The following NPAS3 variants were observed in gnomAD, a reference collection of about 807,000 sequenced individuals.
NPAS3 encodes the protein neuronal PAS domain-containing protein 3.
A neutral mutation model predicts 73.1 loss-of-function variants in NPAS3; 14 were observed. That is an observed-to-expected ratio of 0.19 (90% CI 0.13 to 0.30). NPAS3 has a LOEUF of 0.30. Ranked by LOEUF, NPAS3 falls within the 10% of genes least tolerant of loss-of-function variation. The pLI, the probability that NPAS3 is intolerant of heterozygous loss-of-function variation, is 1.00. For synonymous variants in NPAS3, 620 were observed against 541.5 expected, an observed-to-expected ratio of 1.14 and a Z score of -2.01; for missense variants, 1,096 against 1,250.0, an observed-to-expected ratio of 0.88 and a Z score of 1.86.
chr14:33,227,033 G>A (rs1278631474), intron 3 of NPAS3, among the ~76,000 whole-genome samples: 1 of 152,104 alleles, frequency 6.6e-6, no homozygotes, highest in African/African-American at 2.4e-5. Flanking sequence ...AAAGAGGCAT[G>A]AAGATAACAT....
At chr14:33,195,497 G>A (rs1017090754) in intron 2 of NPAS3, among the ~76,000 whole-genome samples, 2 of 152,096 alleles carry the variant, frequency 1.3e-5, no homozygotes, top group Non-Finnish European at 2.9e-5. Flanking sequence ...TTGAACTCCT[G>A]ACCTTGTGAT....
At chr14:33,368,761 CT>C (rs1233192930) in intron 4 of NPAS3, among the ~76,000 whole-genome samples, 1 of 152,124 alleles carries the variant, frequency 6.6e-6, no homozygotes, top group Non-Finnish European at 1.5e-5. Context: ...ATATTTCTTT[CT>C]AGATCTTCAA....
At chr14:33,424,784 T>C (rs919883062) in intron 4 of NPAS3, among the ~76,000 whole-genome samples, 12 of 151,522 alleles carry the variant, frequency 7.9e-5, no homozygotes, top group Non-Finnish European at 1.6e-4. Context: ...GTTTGAAGTG[T>C]CTGGAGACAT....
intron 3 of NPAS3, among the ~76,000 whole-genome samples, chr14:33,277,112 G>A (rs2041370514): frequency 6.6e-6 from 1 of 152,100 alleles, no homozygotes; most frequent in Admixed American, 6.6e-5. Flanking sequence ...TTTAGATAGT[G>A]TTCCAAGTAT....
At chr14:33,503,898 A>G (rs2052635929) in intron 4 of NPAS3, among the ~76,000 whole-genome samples, 1 of 152,034 alleles carries the variant, frequency 6.6e-6, no homozygotes, top group Non-Finnish European at 1.5e-5. Flanking sequence ...TAAAGAATTA[A>G]TTGCTCTGCT....
chr14:33,256,888 G>A (rs903662914), intron 3 of NPAS3, among the ~76,000 whole-genome samples: 1 of 152,122 alleles, frequency 6.6e-6, no homozygotes, highest in Non-Finnish European at 1.5e-5. Flanking sequence ...GGCTCTTAGC[G>A]GTCATTGAGA....
At chr14:33,539,694 C>G (rs1454088775) in intron 4 of NPAS3, among the ~76,000 whole-genome samples, 1 of 152,154 alleles carries the variant, frequency 6.6e-6, no homozygotes, top group African/African-American at 2.4e-5. Flanking sequence ...TCCATGCACA[C>G]TTTTCTTTCA....
intron 4 of NPAS3, among the ~76,000 whole-genome samples, chr14:33,406,566 C>T (rs890593916): frequency 4.6e-5 from 7 of 152,120 alleles, no homozygotes; most frequent in Non-Finnish European, 7.4e-5. Context: ...TGTTTTTCTT[C>T]AGCCATTCAT....
At chr14:33,676,188 C>G (rs370348244) in intron 5 of NPAS3, 23 bp from the exon 6 acceptor site, 91 of 1,611,938 alleles carry the variant, frequency 5.6e-5, no homozygotes, top group Non-Finnish European at 7.2e-5. Flanking sequence ...TCTTTCCTTC[C>G]CACCCTTTCT....
At chr14:33,165,167 TGTC>T (rs1156669959) in intron 2 of NPAS3, among the ~76,000 whole-genome samples, 1 of 152,088 alleles carries the variant, frequency 6.6e-6, no homozygotes, top group African/African-American at 2.4e-5. Context: ...GGACTCGGCC[TGTC>T]GGAAAGCACT....
intron 1 of NPAS3, among the ~76,000 whole-genome samples, chr14:33,050,632 A>T (rs1033364063): frequency 2.0e-5 from 3 of 152,262 alleles, no homozygotes; most frequent in Non-Finnish European, 2.9e-5. Context: ...TAGAGATGAT[A>T]GATTATCATG....
chr14:33,332,984 C>T (rs1185593618), intron 3 of NPAS3, among the ~76,000 whole-genome samples: 1 of 152,210 alleles, frequency 6.6e-6, no homozygotes, highest in Non-Finnish European at 1.5e-5. Flanking sequence ...CCTTCAATTA[C>T]TGAGCAAATA....
At chr14:33,068,997 G>C (rs2041382818) in intron 2 of NPAS3, among the ~76,000 whole-genome samples, 1 of 152,220 alleles carries the variant, frequency 6.6e-6, no homozygotes, top group Middle Eastern at 3.4e-3. Flanking sequence ...CAGAGTCTTG[G>C]GAGGATTATG....
At chr14:33,452,796 A>AAAAG (rs2049860303) in intron 4 of NPAS3, among the ~76,000 whole-genome samples, 1 of 150,332 alleles carries the variant, frequency 6.7e-6, no homozygotes, top group Non-Finnish European at 1.5e-5. Context: ...AAAAAAAAAA[A>AAAAG]AAAGGCAAGT....
At chr14:33,521,835 T>A (rs2140106044) in intron 4 of NPAS3, among the ~76,000 whole-genome samples, 1 of 152,252 alleles carries the variant, frequency 6.6e-6, no homozygotes, top group African/African-American at 2.4e-5. Context: ...AAGAAACATC[T>A]CGGAAATGCT....
At chr14:33,456,729 C>T (rs959357906) in intron 4 of NPAS3, among the ~76,000 whole-genome samples, 1 of 152,160 alleles carries the variant, frequency 6.6e-6, no homozygotes, top group African/African-American at 2.4e-5. Flanking sequence ...AGAATCCCAA[C>T]TCTACTGATC....
chr14:33,517,655 A>G (rs2053363385), intron 4 of NPAS3, among the ~76,000 whole-genome samples: 1 of 152,014 alleles, frequency 6.6e-6, no homozygotes, highest in African/African-American at 2.4e-5. Flanking sequence ...CTGTCCTTTT[A>G]GCTCCTCACT....
rs968576394 is a variant in NPAS3 at position 33,777,085 on chromosome 14, A to G, written c.1047-1381A>G. ...GACTCTGCAGACCATTCTTCTCTGC[A>G]TTCCCAAGGACGGCCTCAGGCAAAG... On this transcript the variant is annotated intron_variant, in intron 8 of 11. Coordinates refer to ENST00000356141, the Ensembl canonical transcript of NPAS3. Among the ~76,000 whole-genome samples the G allele has an allele frequency of 2.0e-5, 3 of 152,216 alleles. No homozygotes were observed. The East Asian group carries it at 5.8e-4, about 29-fold the overall frequency.
chr14:33,157,078 C>A (rs964826230), intron 2 of NPAS3, among the ~76,000 whole-genome samples: 9 of 152,134 alleles, frequency 5.9e-5, no homozygotes, highest in Non-Finnish European at 1.3e-4. Context: ...AAGAATATAG[C>A]ACTCAAACCA....
Sources: gnomAD v4.1 joint callset for allele counts (sites outside exome capture counted in the v4.1 genomes callset) on GRCh38, gnomAD v4.1.1 for gene constraint, MANE v1.5 for transcripts, NCBI Gene and HGNC (gene_info 2026-07-23, HGNC 2026-07-21) for gene names.